The following NFATC3 variants were observed in gnomAD, a reference collection of about 807,000 sequenced individuals.
NFATC3 encodes nuclear factor of activated T-cells, cytoplasmic 3.
In NFATC3, 46 loss-of-function variants were observed where a neutral mutation model predicts 98.6. That is an observed-to-expected ratio of 0.47 (90% CI 0.37 to 0.60). The LOEUF (loss-of-function observed/expected upper bound fraction) is 0.60, where lower values mean the gene tolerates loss of function less well. NFATC3 is among the 20% of genes least tolerant of loss of function. NFATC3 has a pLI of 0.00. For synonymous variants in NFATC3, 512 were observed against 472.2 expected (o/e 1.08, Z -1.09); for missense variants, 1,256 against 1,295.5 (o/e 0.97, Z 0.47).
At chr16:68,196,799 G>A (rs2040693976) in intron 9 of NFATC3, among the ~76,000 whole-genome samples, 1 of 152,146 alleles carries the variant, frequency 6.6e-6, no homozygotes, top group South Asian at 2.1e-4. Context: ...GGGAGGCCGA[G>A]GTGGGCAGAT....
At chr16:68,131,245 A>G (rs961928197) in intron 3 of NFATC3, among the ~76,000 whole-genome samples, 1 of 152,096 alleles carries the variant, frequency 6.6e-6, no homozygotes, top group African/African-American at 2.4e-5. Flanking sequence ...GGTAGTGCTT[A>G]TTGATACATT....
intron 9 of NFATC3, among the ~76,000 whole-genome samples, chr16:68,211,248 C>T (rs980370611): frequency 1.3e-5 from 2 of 151,688 alleles, no homozygotes; most frequent in South Asian, 2.1e-4. Context: ...AGTGCAGTGG[C>T]GCGATCTCAG....
Position 68,226,678 on chromosome 16 carries a change from A to G in NFATC3, c.*207A>G. On this transcript the variant is annotated 3_prime_UTR_variant, in exon 10 of 10. Coordinates refer to ENST00000346183, the MANE Select transcript of NFATC3 (RefSeq NM_173165.3). The stretch of plus-strand genomic sequence containing the variant: ...CATAGGCTGTTTGAGCTTTGGGGAA[A>G]TGAACTTTGCTTTTTATATTTAACT... The G allele has an allele frequency of 2.3e-6, 1 of 437,602 alleles. No homozygotes were observed. Among genetic ancestry groups the G allele is most frequent in the Non-Finnish European group, 3.9e-6 (1 of 256,782 alleles). The allele number at this position is 437,602 out of a possible 1,614,324, so 27.1% of individuals were successfully genotyped here. A position where few individuals can be genotyped will look rare whatever the true frequency, so the allele number is the denominator to read the frequency against.
chr16:68,214,329 A>G (rs774488074), intron 9 of NFATC3: 9 of 1,613,898 alleles, frequency 5.6e-6, no homozygotes, highest in East Asian at 2.2e-5. Flanking sequence ...TTTGACACAG[A>G]CCAATTTATA....
intron 3 of NFATC3, among the ~76,000 whole-genome samples, chr16:68,149,832 C>T (rs758850680): frequency 3.3e-5 from 5 of 152,086 alleles, no homozygotes; most frequent in Admixed American, 3.3e-4. Flanking sequence ...AGAAAATGAG[C>T]AAATCATATA....
chr16:68,101,677 G>T (rs558114611), intron 1 of NFATC3, among the ~76,000 whole-genome samples: 27 of 151,704 alleles, frequency 1.8e-4, no homozygotes, highest in African/African-American at 6.3e-4. Context: ...TAGAGATGGG[G>T]TTTCACCATA....
At chr16:68,111,261 C>G (rs923592976) in intron 1 of NFATC3, among the ~76,000 whole-genome samples, 2 of 152,114 alleles carry the variant, frequency 1.3e-5, no homozygotes, top group African/African-American at 2.4e-5. Flanking sequence ...GAGTCTAAGT[C>G]TCTTTGTAGG....
intron 3 of NFATC3, among the ~76,000 whole-genome samples, chr16:68,142,529 T>A (rs1314045647): frequency 1.3e-5 from 2 of 151,900 alleles, no homozygotes; most frequent in African/African-American, 2.4e-5. Flanking sequence ...GCGAGGTGGG[T>A]GGATCACTTG....
chr16:68,202,809 T>C (rs2151138992), intron 9 of NFATC3, among the ~76,000 whole-genome samples: 1 of 151,446 alleles, frequency 6.6e-6, no homozygotes, highest in African/African-American at 2.4e-5. Context: ...CAAAACTCCA[T>C]CTCAAAATAA....
chr16:68,221,657 A>G, intron 9 of NFATC3: 2 of 933,918 alleles, frequency 2.1e-6, no homozygotes, highest in Non-Finnish European at 2.6e-6. Flanking sequence ...ATCCTGTAGT[A>G]TAATGTATAG....
At chr16:68,125,839 AT>A (rs1194335393) in intron 2 of NFATC3, among the ~76,000 whole-genome samples, 1 of 152,188 alleles carries the variant, frequency 6.6e-6, no homozygotes, top group Non-Finnish European at 1.5e-5. Flanking sequence ...TTTCAAAAAA[AT>A]ATGGGAAACC....
At chr16:68,149,893 G>C (rs532528066) in intron 3 of NFATC3, among the ~76,000 whole-genome samples, 7 of 152,198 alleles carry the variant, frequency 4.6e-5, no homozygotes, top group African/African-American at 1.7e-4. Context: ...CCACTTCTCT[G>C]TTCTTTGCTT....
intron 8 of NFATC3, among the ~76,000 whole-genome samples, chr16:68,189,068 T>C (rs956872988): frequency 6.6e-6 from 1 of 152,222 alleles, no homozygotes; most frequent in Non-Finnish European, 1.5e-5. Context: ...TTGAAAAGAC[T>C]GTTCTTTCCC....
At chr16:68,147,968 A>G (rs150451819) in intron 3 of NFATC3, among the ~76,000 whole-genome samples, 1 of 152,068 alleles carries the variant, frequency 6.6e-6, no homozygotes, top group African/African-American at 2.4e-5. Flanking sequence ...TATATGCCCA[A>G]ACTTTTCCAG....
chr16:68,110,815 A>C (rs1319677853), intron 1 of NFATC3, among the ~76,000 whole-genome samples: 2 of 151,978 alleles, frequency 1.3e-5, no homozygotes, highest in African/African-American at 4.8e-5. Context: ...CCCTCTTAAC[A>C]CTGCTTTAGC....
At chr16:68,197,747 T>G (rs1384024723) in intron 9 of NFATC3, among the ~76,000 whole-genome samples, 1 of 152,210 alleles carries the variant, frequency 6.6e-6, no homozygotes, top group African/African-American at 2.4e-5. Flanking sequence ...ACACGGTAAT[T>G]TAAAAAAATT....
intron 1 of NFATC3, 61 bp downstream of exon 1, chr16:68,085,845 G>A: frequency 9.6e-6 from 12 of 1,256,206 alleles, no homozygotes; most frequent in Non-Finnish European, 1.0e-5. Context: ...AGGATCTCTC[G>A]CTCCCTCCCT....
Position 68,134,488 on chromosome 16 carries a change from C to T in NFATC3, c.1401+7878C>T, listed in dbSNP as rs550497697. Among the ~76,000 whole-genome samples the T allele has an allele frequency of 3.3e-5, 5 of 152,270 alleles. No individual in the cohort carries two copies. The East Asian group carries it at 5.8e-4, about 18-fold the overall frequency. On this transcript the variant is annotated intron_variant, in intron 3 of 9. Coordinates refer to ENST00000346183, the MANE Select transcript of NFATC3 (RefSeq NM_173165.3). The stretch of plus-strand genomic sequence containing the variant: ...AATTACAGACGTGAGCCACTGTGCC[C>T]AGCCAGCTCATCTTCGAATAATAAC...
At chr16:68,150,312 C>G (rs1567521485) in intron 3 of NFATC3, among the ~76,000 whole-genome samples, 1 of 151,256 alleles carries the variant, frequency 6.6e-6, no homozygotes, top group Admixed American at 6.6e-5. Context: ...CACAGTGGCT[C>G]ATGCCCGTAA....
Sources: gnomAD v4.1 joint callset for allele counts (sites outside exome capture counted in the v4.1 genomes callset) on GRCh38, gnomAD v4.1.1 for gene constraint, MANE v1.5 for transcripts, NCBI Gene and HGNC (gene_info 2026-07-23, HGNC 2026-07-21) for gene names.